The following SUN1 variants were observed in gnomAD, a reference collection of about 807,000 sequenced individuals.
The protein encoded by SUN1 is SUN domain-containing protein 1.
In SUN1, 61 loss-of-function variants were observed where a neutral mutation model predicts 103.2. The ratio of observed to expected loss-of-function variants is 0.59; its 90% CI spans 0.48 to 0.73. The LOEUF is 0.73. Ranked by LOEUF, SUN1 falls within the 30% of genes least tolerant of loss-of-function variation. SUN1 has a pLI of 0.00. For missense variants in SUN1, 1,052 were observed against 1,034.6 expected (o/e 1.02, Z -0.23); for synonymous variants, 490 against 425.7 (o/e 1.15, Z -1.86).
intron 15 of SUN1, 93 bp from the exon 16 acceptor site, chr7:865,859 G>C (rs1192520588): frequency 3.8e-6 from 4 of 1,061,738 alleles, no homozygotes; most frequent in African/African-American, 1.6e-5. Context: ...CACTTTTCTT[G>C]GAAACATTTT....
chr7:853,234 A>G (rs893126079), intron 9 of SUN1, 175 bp from the exon 10 acceptor site: 21 of 773,986 alleles, frequency 2.7e-5, no homozygotes, highest in Non-Finnish European at 3.9e-5. Context: ...AGAAGCACCC[A>G]TAGTCAGCCA....
chr7:832,288 G>T (rs4236291), upstream of SUN1, among the ~76,000 whole-genome samples: 93,503 of 151,904 alleles, frequency 0.62, 28,769 homozygotes, highest in East Asian at 0.64. Context: ...CAGGATATAT[G>T]AGGGGACTAG....
chr7:851,560 C>A, intron 6 of SUN1, 78 bp downstream of exon 6: 3 of 1,226,982 alleles, frequency 2.4e-6, no homozygotes, highest in Non-Finnish European at 3.5e-6. Context: ...TTTACCTAAC[C>A]AAGTAAAAAT....
intron 5 of SUN1, chr7:843,990 C>A (rs2128308868): frequency 4.3e-6 from 3 of 704,912 alleles, no homozygotes; most frequent in Admixed American, 5.1e-5. Flanking sequence ...CTTCAGAGAA[C>A]CTGTAGGTCT....
At chr7:818,437 C>T (rs1782927481) in intron 1 of SUN1, among the ~76,000 whole-genome samples, 2 of 152,154 alleles carry the variant, frequency 1.3e-5, no homozygotes, top group Admixed American at 6.5e-5. Context: ...ATCCTTTAGT[C>T]TGTTGATGGA....
At chr7:869,023 T>C (rs1839497098) in intron 16 of SUN1, 1 of 368,168 alleles carries the variant, frequency 2.7e-6, no homozygotes, top group African/African-American at 2.1e-5. Flanking sequence ...TGGTGTCCCT[T>C]CTTGCTGTGC....
At chr7:839,073 C>T in intron 2 of SUN1, 87 bp downstream of exon 2, 2 of 1,347,322 alleles carry the variant, frequency 1.5e-6, no homozygotes. Context: ...AAAGCCGCAC[C>T]CTGTCTCGAG....
At chr7:826,508 C>G (rs1027736515) in intron 1 of SUN1, among the ~76,000 whole-genome samples, 1 of 152,196 alleles carries the variant, frequency 6.6e-6, no homozygotes, top group African/African-American at 2.4e-5. Context: ...GGCTGCAGCT[C>G]TGGGTGTCCC....
chr7:837,815 A>G (rs1804918573), intron 1 of SUN1, among the ~76,000 whole-genome samples: 1 of 152,184 alleles, frequency 6.6e-6, no homozygotes. Flanking sequence ...GAACCATGTT[A>G]TGGATGGTGG....
In SUN1 at chr7:860,402, G is replaced by C. The variant is rs1283049455; in HGVS notation, c.1779+20G>C. 1.9e-6 allele frequency: 3 copies of C among 1,608,282 alleles called. No homozygotes were observed. The African/African-American group carries it at 4.0e-5, about 21-fold the overall frequency. ...GAGGCGGTGAGTCGGCGAGTCGGCG[G>C]CAAGAGATGCTTACAGTCCATTCTG... On this transcript the variant is annotated intron_variant, in intron 14 of 18. Transcript: ENST00000401592.
chr7:827,539 G>T (rs370743133), upstream of SUN1, among the ~76,000 whole-genome samples: 1 of 143,816 alleles, frequency 7.0e-6, no homozygotes, highest in Non-Finnish European at 1.5e-5. Flanking sequence ...GCGCAATCTC[G>T]GCTCACTGCA....
At chr7:863,281 C>T (rs1032237580) in intron 15 of SUN1, among the ~76,000 whole-genome samples, 8 of 150,794 alleles carry the variant, frequency 5.3e-5, no homozygotes, top group African/African-American at 1.2e-4. Flanking sequence ...CCTGGAGTGC[C>T]GCCCTCCCGA....
intron 13 of SUN1, among the ~76,000 whole-genome samples, chr7:859,467 A>G (rs1830455822): frequency 6.6e-6 from 1 of 152,194 alleles, no homozygotes; most frequent in Admixed American, 6.5e-5. Context: ...CCACACAGGC[A>G]GGAGGGTCAG....
chr7:862,738 T>A (rs1585130074), intron 15 of SUN1, among the ~76,000 whole-genome samples: 1 of 152,170 alleles, frequency 6.6e-6, no homozygotes, highest in South Asian at 2.1e-4. Context: ...GCACCGAAGG[T>A]TCCATTATTG....
chr7:845,028 A>G (rs6960062), intron 5 of SUN1, among the ~76,000 whole-genome samples: 50,370 of 152,050 alleles, frequency 0.33, 8,546 homozygotes, highest in Admixed American at 0.36. Flanking sequence ...TGAACATAAC[A>G]TTTTTCTTAG....
exon 1 of SUN1, chr7:816,615 A>G (rs1333346028): frequency 7.7e-6 from 3 of 390,186 alleles, no homozygotes; most frequent in South Asian, 5.2e-5. Flanking sequence ...TGGCGTGGGC[A>G]GAGCGTCTTC....
intron 9 of SUN1, 46 bp downstream of exon 9, chr7:852,998 T>G (rs775236148): frequency 1.3e-6 from 2 of 1,576,324 alleles, no homozygotes; most frequent in Non-Finnish European, 8.6e-7. Context: ...ACATGTGAGG[T>G]CTTCAGGGAC....
intron 1 of SUN1, among the ~76,000 whole-genome samples, chr7:837,896 T>C (rs1805008594): frequency 6.6e-6 from 1 of 152,246 alleles, no homozygotes; most frequent in Non-Finnish European, 1.5e-5. Flanking sequence ...AAACCCTTCT[T>C]GAGATGACAC....
chr7:857,868 C>G lies in SUN1; in HGVS notation c.1435C>G (p.Gln479Glu). The G allele has an allele frequency of 6.3e-7, 1 of 1,598,870 alleles. No individual in the cohort carries two copies. The highest frequency in any genetic ancestry group is 8.6e-7 in the Non-Finnish European group (1 of 1,168,648). ...GCTCCTGCCCACAGTCGAGCACCTC[C>G]AGCTGGAGCTGGATCAGCTAAAGTC... ...EQLLPTVEHL[Q>E]LELDQLKSEL... The change falls in exon 13 of 19, where the codon CAG becomes GAG. Residue 479 changes from glutamine to glutamate, a missense_variant. Around this residue, in one of 2 missense-constraint regions of SUN1, gnomAD observed 846 missense variants for 774.5 expected, o/e 1.09. Coordinates refer to ENST00000401592, the MANE Select transcript of SUN1 (RefSeq NM_001130965.3).
Sources: allele counts gnomAD v4.1 joint callset (sites outside exome capture counted in the v4.1 genomes callset), GRCh38; gene constraint gnomAD v4.1.1; regional missense constraint gnomAD v4.1.1; transcripts MANE v1.5; gene names NCBI Gene and HGNC (gene_info 2026-07-23, HGNC 2026-07-21).